The following SATB1 variants were observed in gnomAD, a reference collection of about 807,000 sequenced individuals.
The protein encoded by SATB1 is SATB homeobox 1, also known as DNA-binding protein SATB1.
A neutral mutation model predicts 86.9 loss-of-function variants in SATB1; 11 were observed. The observed-to-expected ratio is 0.13, with a 90% confidence interval of 0.08 to 0.21. SATB1 has a LOEUF of 0.21. Ranked by LOEUF, SATB1 falls within the 10% of genes least tolerant of loss-of-function variation. The probability of loss-of-function intolerance (pLI) is 1.00; values close to 1 mark genes in which losing one functional copy is unlikely to be tolerated. For missense variants in SATB1, 551 were observed against 937.6 expected (o/e 0.59, Z 5.39); for synonymous variants, 357 against 357.2 (o/e 1.00, Z 0.01).
chr3:18,377,602 T>C (rs757737564), intron 9 of SATB1, among the ~76,000 whole-genome samples: 10 of 152,150 alleles, frequency 6.6e-5, no homozygotes, highest in Non-Finnish European at 1.3e-4. Flanking sequence ...TCAATCTGTG[T>C]GTCTTGCATA....
chr3:18,433,864 T>C (rs1461928189), intron 2 of SATB1, among the ~76,000 whole-genome samples: 2 of 152,024 alleles, frequency 1.3e-5, no homozygotes, highest in East Asian at 1.9e-4. Flanking sequence ...TGAGCCAACA[T>C]GAAGGAAAAA....
intron 2 of SATB1, among the ~76,000 whole-genome samples, chr3:18,432,488 G>A (rs1698919619): frequency 6.6e-6 from 1 of 152,126 alleles, no homozygotes; most frequent in Non-Finnish European, 1.5e-5. Context: ...ATCTGATATT[G>A]TACTGCTATG....
intron 4 of SATB1, among the ~76,000 whole-genome samples, 196 bp downstream of exon 4, chr3:18,415,811 G>GT (rs112868614): frequency 0.01 from 1,559 of 151,576 alleles, 44 homozygotes; most frequent in South Asian, 0.089. Context: ...TTGTGTGTGT[G>GT]GGGGGGGGGA....
intron 10 of SATB1, chr3:18,351,357 G>T (rs1240541909): frequency 6.4e-7 from 1 of 1,555,316 alleles, no homozygotes; most frequent in South Asian, 1.2e-5. Context: ...GGCAGGCCTG[G>T]TAAGAAAACG....
At chr3:18,365,104 A>G (rs1281379504) in intron 9 of SATB1, among the ~76,000 whole-genome samples, 1 of 152,172 alleles carries the variant, frequency 6.6e-6, no homozygotes, top group South Asian at 2.1e-4. Context: ...AGATTTCATT[A>G]ATTAAATGAT....
In SATB1 at chr3:18,349,782, G is replaced by C; in HGVS notation, c.1780-100C>G. 2.7e-6 allele frequency: 4 copies of C among 1,460,078 alleles called. No homozygotes were observed. The highest frequency in any genetic ancestry group is 9.0e-7 in the Non-Finnish European group (1 of 1,109,708). The allele number at this position is 1,460,078 out of a possible 1,614,324, so 90.4% of individuals were successfully genotyped here. A position where few individuals can be genotyped will look rare whatever the true frequency, so the allele number is the denominator to read the frequency against. Reference sequence around the variant, plus strand: ...AATGTGGTCCCGGATCCTACATATAGCTTCTTTGATAGGGATGAAGATTTA... The same window carrying C: ...AATGTGGTCCCGGATCCTACATATACCTTCTTTGATAGGGATGAAGATTTA... On this transcript the variant is annotated intron_variant, in intron 10 of 10. Transcript: ENST00000338745. This position sits in a 1 kb window ranked among gnomAD's most constrained non-coding sequence, Gnocchi z 5.5.
At chr3:18,374,232 A>C (rs1268748655) in intron 9 of SATB1, among the ~76,000 whole-genome samples, 1 of 152,194 alleles carries the variant, frequency 6.6e-6, no homozygotes, top group Non-Finnish European at 1.5e-5. Context: ...GTGGAATAAA[A>C]TTAGATTCCA....
At chr3:18,362,515 G>A (rs1694950235) in intron 9 of SATB1, among the ~76,000 whole-genome samples, 1 of 151,700 alleles carries the variant, frequency 6.6e-6, no homozygotes, top group Non-Finnish European at 1.5e-5. Context: ...TAGTAGCAAA[G>A]TCCAACAATC....
chr3:18,403,614 T>C (rs1189984746), intron 5 of SATB1, among the ~76,000 whole-genome samples: 1 of 152,058 alleles, frequency 6.6e-6, no homozygotes, highest in Non-Finnish European at 1.5e-5. Context: ...AAATAATTGT[T>C]TTCTGAAATA....
At chr3:18,425,714 G>A (rs1394089738), upstream of SATB1, among the ~76,000 whole-genome samples, 1 of 151,908 alleles carries the variant, frequency 6.6e-6, no homozygotes, top group Admixed American at 6.6e-5. Context: ...CGCCAGGGAG[G>A]GCGCAGAGGG....
intron 10 of SATB1, chr3:18,351,200 A>C (rs7627392): frequency 0.64 from 535,377 of 831,640 alleles, 176,250 homozygotes; most frequent in East Asian, 0.94. Context: ...GCTCTGCCCA[A>C]GACCATGGTT....
chr3:18,366,458 A>C (rs1695192940), intron 9 of SATB1, among the ~76,000 whole-genome samples: 1 of 152,014 alleles, frequency 6.6e-6, no homozygotes, highest in African/African-American at 2.4e-5. Flanking sequence ...TCAATCAATC[A>C]ATCAATCAAT....
At position 18,348,799 on chromosome 3, in the gene SATB1, A is replaced by G. The variant is rs1021765071; in HGVS notation, c.*371T>C. Reference sequence around the variant, plus strand: ...AGTGTGGAGTGCTACAGAAATAATTATAGGAGAGGAAATCATAATCACAGA... The same window carrying G: ...AGTGTGGAGTGCTACAGAAATAATTGTAGGAGAGGAAATCATAATCACAGA... On this transcript the variant is annotated 3_prime_UTR_variant, in exon 11 of 11. Coordinates refer to ENST00000338745, the MANE Select transcript of SATB1 (RefSeq NM_002971.6). 1 of 195,544 alleles carries G rather than the reference A, an allele frequency of 5.1e-6. No individual in the cohort carries two copies. Among genetic ancestry groups the G allele is most frequent in the African/African-American group, 2.4e-5 (1 of 41,842 alleles). 12.1% of individuals were successfully genotyped at this position (195,544 alleles called of 1,614,324 possible). A position where few individuals can be genotyped will look rare whatever the true frequency, so the allele number is the denominator to read the frequency against.
chr3:18,382,183 A>G (rs890991455), intron 8 of SATB1, among the ~76,000 whole-genome samples: 6 of 152,210 alleles, frequency 3.9e-5, no homozygotes, highest in Admixed American at 2.0e-4. Flanking sequence ...TGTTTATATT[A>G]ACTTCATAAA....
chr3:18,391,044 A>C (rs545326366), intron 7 of SATB1, among the ~76,000 whole-genome samples: 1 of 152,286 alleles, frequency 6.6e-6, no homozygotes, highest in South Asian at 2.1e-4. Context: ...CATGCCCATC[A>C]ATTCAGAAGG....
chr3:18,390,602 GTTATAC>G (rs375725048), intron 7 of SATB1, among the ~76,000 whole-genome samples: 101 of 152,210 alleles, frequency 6.6e-4, no homozygotes, highest in African/African-American at 2.3e-3. Flanking sequence ...AGCAATTTCT[GTTATAC>G]TTAAGCAGGC....
chr3:18,387,246 C>T (rs561337715), intron 7 of SATB1, among the ~76,000 whole-genome samples: 48 of 152,280 alleles, frequency 3.2e-4, no homozygotes, highest in African/African-American at 1.0e-3. Flanking sequence ...ATTCTAAATA[C>T]TATCTTGCTG....
chr3:18,411,134 A>G (rs1048709101), intron 5 of SATB1: 6 of 362,840 alleles, frequency 1.7e-5, no homozygotes, highest in Admixed American at 4.6e-5. Flanking sequence ...TTTTATATAT[A>G]TTTTGCTACT....
chr3:18,431,517 G>C (rs1011648886), intron 2 of SATB1, among the ~76,000 whole-genome samples: 4 of 152,168 alleles, frequency 2.6e-5, no homozygotes, highest in African/African-American at 9.7e-5. Context: ...CAGATGTCCA[G>C]GCTGAACCCC....
Sources: allele counts gnomAD v4.1 joint callset (sites outside exome capture counted in the v4.1 genomes callset), GRCh38; gene constraint gnomAD v4.1.1; non-coding constraint Gnocchi (gnomAD v3.1); transcripts MANE v1.5; gene names NCBI Gene and HGNC (gene_info 2026-07-23, HGNC 2026-07-21).